The following MIA2 variants were observed in gnomAD, a reference collection of about 807,000 sequenced individuals.
MIA2 encodes MIA SH3 domain ER export factor 2, also known as melanoma inhibitory activity protein 2.
Under a neutral mutation model 167.8 loss-of-function variants are expected in MIA2, and 127 were observed. That is an observed-to-expected ratio of 0.76 (90% CI 0.66 to 0.88). The LOEUF is 0.88. Ranked by LOEUF, MIA2 falls within the 40% of genes least tolerant of loss-of-function variation. The probability of loss-of-function intolerance (pLI) is 0.00; values close to 1 mark genes in which losing one functional copy is unlikely to be tolerated. For missense variants in MIA2, 1,690 were observed against 1,624.7 expected (o/e 1.04, Z -0.69); for synonymous variants, 552 against 541.9 (o/e 1.02, Z -0.26).
intron 25 of MIA2, among the ~76,000 whole-genome samples, chr14:39,341,618 A>T (rs2071864353): frequency 6.6e-6 from 1 of 152,160 alleles, no homozygotes; most frequent in Non-Finnish European, 1.5e-5. Flanking sequence ...TTGTGGCAAG[A>T]TCATCAGCTG....
intron 14 of MIA2, among the ~76,000 whole-genome samples, chr14:39,301,090 C>A (rs1410464021): frequency 6.7e-6 from 1 of 150,334 alleles, no homozygotes. Context: ...GATGGACTTT[C>A]AATCTTGTCA....
intron 6 of MIA2, among the ~76,000 whole-genome samples, chr14:39,268,811 T>C (rs1279458529): frequency 6.6e-6 from 1 of 152,154 alleles, no homozygotes; most frequent in Admixed American, 6.5e-5. Context: ...TAAAATATGT[T>C]TGACTTTATT....
chr14:39,300,059 T>G, intron 14 of MIA2, 73 bp downstream of exon 14: 1 of 1,532,728 alleles, frequency 6.5e-7, no homozygotes, highest in South Asian at 1.2e-5. Context: ...TGAAAGCTAG[T>G]TTTTAGCAAC....
At chr14:39,358,289 T>G (rs951133988) in intron 23 of MIA2, among the ~76,000 whole-genome samples, 40 of 152,218 alleles carry the variant, frequency 2.6e-4, no homozygotes, top group African/African-American at 8.9e-4. Context: ...TCTTCTCGCT[T>G]CATTTCATTC....
Position 39,294,085 on chromosome 14 carries a change from G to A in MIA2, c.2391+14G>A, listed in dbSNP as rs375106021. On this transcript the variant is annotated intron_variant, in intron 12 of 28. Transcript: ENST00000640607. ...CAAGTAGCTGAAGTAAGTTGAATTA[G>A]TCTAGTAGGTCTGTTGCTTTTGGAA... 2 of 1,545,168 alleles carry A rather than the reference G, an allele frequency of 1.3e-6. No homozygotes were observed. Among genetic ancestry groups the A allele is most frequent in the Non-Finnish European group, 1.8e-6 (2 of 1,129,380 alleles).
chr14:39,266,486 A>C, intron 6 of MIA2: 1 of 985,504 alleles, frequency 1.0e-6, no homozygotes, highest in Non-Finnish European at 1.2e-6. Context: ...CCGCTAATGG[A>C]ACTGAAGACA....
chr14:39,330,683 CAA>C (rs2153009557), intron 25 of MIA2, among the ~76,000 whole-genome samples: 1 of 152,220 alleles, frequency 6.6e-6, no homozygotes, highest in East Asian at 1.9e-4. Flanking sequence ...TCATTGGTTT[CAA>C]ATAACTTATT....
chr14:39,291,140 T>C, intron 10 of MIA2, 44 bp downstream of exon 10: 1 of 1,523,222 alleles, frequency 6.6e-7, no homozygotes, highest in East Asian at 2.3e-5. Context: ...GGGAAAAAAA[T>C]ACTAAGTAAC....
chr14:39,286,895 G>GTA (rs71130837), intron 9 of MIA2, among the ~76,000 whole-genome samples: 21,440 of 149,142 alleles, frequency 0.14, 1,874 homozygotes, highest in Non-Finnish European at 0.16. Context: ...GTGTGTGTGT[G>GTA]TGTATTTTTT....
At chr14:39,238,768 T>C (rs1341334333) in intron 2 of MIA2, among the ~76,000 whole-genome samples, 1 of 101,750 alleles carries the variant, frequency 9.8e-6, no homozygotes, top group Non-Finnish European at 1.8e-5. Context: ...CACTCCAGCC[T>C]GGGTTACAAA....
At chr14:39,351,898 C>T (rs1167210708), downstream of MIA2, among the ~76,000 whole-genome samples, 3 of 152,170 alleles carry the variant, frequency 2.0e-5, no homozygotes, top group Non-Finnish European at 4.4e-5. Context: ...TGAGCCACCG[C>T]GCCTGGCCAG....
At chr14:39,268,974 G>T (rs941254438) in intron 6 of MIA2, 103 of 979,744 alleles carry the variant, frequency 1.1e-4, no homozygotes, top group Non-Finnish European at 1.2e-4. Flanking sequence ...AGTTTTTATA[G>T]GACTGCCAGT....
chr14:39,358,312 A>G (rs1204838947), intron 23 of MIA2, among the ~76,000 whole-genome samples: 2 of 152,010 alleles, frequency 1.3e-5, no homozygotes, highest in East Asian at 1.9e-4. Flanking sequence ...TTAATCTTCC[A>G]TCACTCATAC....
At chr14:39,288,490 T>TTTTTTG (rs2060254294) in intron 9 of MIA2, among the ~76,000 whole-genome samples, 1 of 109,284 alleles carries the variant, frequency 9.2e-6, no homozygotes, top group Admixed American at 1.1e-4. Context: ...TTTTTTTTTT[T>TTTTTTG]TTGAGACGGA....
At chr14:39,267,018 C>T (rs2055844904) in intron 6 of MIA2, 35 of 974,872 alleles carry the variant, frequency 3.6e-5, no homozygotes, top group Non-Finnish European at 4.3e-5. Context: ...TCTCCACTAC[C>T]AGGGCTGGGT....
chr14:39,377,760 C>CT (rs1199008451), intron 23 of MIA2, among the ~76,000 whole-genome samples: 1 of 123,392 alleles, frequency 8.1e-6, no homozygotes, highest in Non-Finnish European at 1.6e-5. Context: ...AGGCTCTCTC[C>CT]CTTTTTTTTT....
chr14:39,318,818 C>T lies in MIA2; in HGVS notation c.3285-391C>T, dbSNP rs952848481. On this transcript the variant is annotated intron_variant, in intron 22 of 28. Coordinates refer to ENST00000640607, the MANE Select transcript of MIA2 (RefSeq NM_001329214.4). ...AAAGCCAGGAACCCTGTGTCTTAAT[C>T]CAGGCACTTTCATTGTGAATAAATA... Among the ~76,000 whole-genome samples, 7 of 152,198 alleles carry T rather than the reference C, an allele frequency of 4.6e-5. No homozygotes were observed. In the South Asian group the frequency reaches 8.3e-4, roughly 18 times the overall value.
intron 14 of MIA2, among the ~76,000 whole-genome samples, chr14:39,301,515 G>A (rs140006925): frequency 1.2e-3 from 183 of 152,332 alleles, no homozygotes; most frequent in African/African-American, 4.0e-3. Context: ...AGAGAGGGAG[G>A]AGATCGAAGG....
intron 6 of MIA2, among the ~76,000 whole-genome samples, chr14:39,262,453 G>A (rs2055169184): frequency 6.6e-6 from 1 of 152,192 alleles, no homozygotes; most frequent in African/African-American, 2.4e-5. Flanking sequence ...GTAGCATGAT[G>A]CCTCCAGCTT....
Sources: allele counts gnomAD v4.1 joint callset (sites outside exome capture counted in the v4.1 genomes callset), GRCh38; gene constraint gnomAD v4.1.1; transcripts MANE v1.5; gene names NCBI Gene and HGNC (gene_info 2026-07-23, HGNC 2026-07-21).